ABTB2: variants seen among roughly 807,000 people sequenced by gnomAD.
The protein encoded by ABTB2 is ankyrin repeat and BTB/POZ domain-containing protein 2.
In ABTB2, 56 loss-of-function variants were observed where a neutral mutation model predicts 104.1. The ratio of observed to expected loss-of-function variants is 0.54; its 90% confidence interval spans 0.43 to 0.67. The LOEUF (loss-of-function observed/expected upper bound fraction) is 0.67, where lower values mean the gene tolerates loss of function less well. ABTB2 is among the 30% of genes least tolerant of loss of function. The pLI is 0.00. For synonymous variants in ABTB2, 606 were observed against 608.2 expected (o/e 1.00, Z 0.05); for missense variants, 1,279 against 1,407.7 (o/e 0.91, Z 1.46).
At chr11:34,285,140 C>T (rs532108960) in intron 1 of ABTB2, among the ~76,000 whole-genome samples, 10 of 152,146 alleles carry the variant, frequency 6.6e-5, no homozygotes, top group South Asian at 2.1e-4. Context: ...GCAATCCAGG[C>T]GGAAATCACA....
At chr11:34,325,525 C>T (rs554034031) in intron 1 of ABTB2, among the ~76,000 whole-genome samples, 2 of 152,292 alleles carry the variant, frequency 1.3e-5, no homozygotes, top group Admixed American at 1.3e-4. Context: ...CAATATACTA[C>T]CTGTAAGAAC....
At chr11:34,294,752 A>G (rs894557273) in intron 1 of ABTB2, among the ~76,000 whole-genome samples, 2 of 146,884 alleles carry the variant, frequency 1.4e-5, no homozygotes, top group East Asian at 2.0e-4. Context: ...GTCTCATTCT[A>G]TCACCCAGGC....
chr11:34,280,557 A>G (rs1590239977), intron 1 of ABTB2, among the ~76,000 whole-genome samples: 1 of 152,044 alleles, frequency 6.6e-6, no homozygotes, highest in East Asian at 1.9e-4. Flanking sequence ...CAGGGCCCCT[A>G]CTGCTAACAT....
At chr11:34,236,369 C>A (rs10836163) in intron 1 of ABTB2, among the ~76,000 whole-genome samples, 43,604 of 151,988 alleles carry the variant, frequency 0.29, 6,812 homozygotes, top group Admixed American at 0.39. Flanking sequence ...CCAGAAGGCA[C>A]AGGGCAGAAA....
At chr11:34,315,782 GCCACCCC>G (rs1239471789) in intron 1 of ABTB2, among the ~76,000 whole-genome samples, 1 of 152,136 alleles carries the variant, frequency 6.6e-6, no homozygotes, top group Non-Finnish European at 1.5e-5. Flanking sequence ...GACACGAGCA[GCCACCCC>G]CCAGGTTTCC....
rs755443617 is a variant in ABTB2, at chr11:34,356,422, A to G, written c.883+279T>C. On this transcript the variant is annotated intron_variant, in intron 1 of 16. Transcript: ENST00000435224. The surrounding 1 kb of genome is among the most constrained non-coding windows in gnomAD (Gnocchi z 4.6). ...GAGAGGTTCAGGAATGGCTTGGTCA[A>G]GAGATTCAATCTCACCCAATCAATG... is the stretch of plus-strand genomic sequence containing the variant. Among the ~76,000 whole-genome samples, 1 of 152,220 alleles carries G rather than the reference A, an allele frequency of 6.6e-6. No homozygotes were observed. The highest frequency in any genetic ancestry group is 1.5e-5 in the Non-Finnish European group (1 of 68,034).
chr11:34,270,011 T>G (rs1448184187), intron 1 of ABTB2, among the ~76,000 whole-genome samples: 2 of 152,212 alleles, frequency 1.3e-5, no homozygotes, highest in African/African-American at 2.4e-5. Context: ...AGACTGAAAC[T>G]TACGTCTTCT....
chr11:34,167,919 G>T lies in ABTB2; in HGVS notation c.1637C>A (p.Ala546Glu). The T allele has an allele frequency of 6.2e-7, 1 of 1,614,236 alleles. No individual in the cohort carries two copies. Among genetic ancestry groups the T allele is most frequent in the East Asian group, 2.2e-5 (1 of 44,890 alleles). Residue 546 changes from alanine (A) to glutamate (E), a missense_variant, in exon 6 of 17, where the codon GCA becomes GAA. Coordinates refer to ENST00000435224, the MANE Select transcript of ABTB2 (RefSeq NM_145804.3). The stretch of plus-strand genomic sequence containing the variant: ...CTTCCTCACCTGGATGTCCAAGTTT[G>T]CCCCAGCATCAATCAACATCTGGAC... ...AMVQMLIDAG[A>E]NLDIQVPSNS...
chr11:34,339,173 A>G (rs1405789894), intron 1 of ABTB2, among the ~76,000 whole-genome samples: 3 of 152,158 alleles, frequency 2.0e-5, no homozygotes, highest in Admixed American at 2.0e-4. Flanking sequence ...CCTGGCCACA[A>G]GTGATCCTCC....
intron 1 of ABTB2, among the ~76,000 whole-genome samples, chr11:34,350,626 G>A (rs1238671998): frequency 6.6e-6 from 1 of 152,206 alleles, no homozygotes; most frequent in Non-Finnish European, 1.5e-5. Flanking sequence ...ACCCCTGGGT[G>A]TCAGTGCCTG....
At chr11:34,266,542 G>T (rs538284051) in intron 1 of ABTB2, among the ~76,000 whole-genome samples, 19 of 152,248 alleles carry the variant, frequency 1.2e-4, no homozygotes, top group Non-Finnish European at 8.8e-5. Context: ...TTATTTCTGA[G>T]CAAAGGCCTT....
chr11:34,225,648 G>A lies in ABTB2; in HGVS notation c.884-20958C>T, dbSNP rs144472686. ...CACATGCCTGTGATTCCAGCTACTCGGGAGGCTGAGGCAGGAGAATTGCTT... is the reference window on the plus strand; with the variant it reads ...CACATGCCTGTGATTCCAGCTACTCAGGAGGCTGAGGCAGGAGAATTGCTT... On this transcript the variant is annotated intron_variant, in intron 1 of 16. Coordinates refer to ENST00000435224, the MANE Select transcript of ABTB2 (RefSeq NM_145804.3). Among the ~76,000 whole-genome samples the A allele has an allele frequency of 9.3e-3, 1,420 of 152,086 alleles. 15 individuals are homozygous for A. The highest frequency in any genetic ancestry group is 0.032 in the African/African-American group (1,338 of 41,476).
At chr11:34,274,678 T>C (rs575662895) in intron 1 of ABTB2, among the ~76,000 whole-genome samples, 18 of 152,172 alleles carry the variant, frequency 1.2e-4, no homozygotes, top group African/African-American at 4.1e-4. Context: ...TCATTTTTTC[T>C]TGGCCAAGAA....
chr11:34,276,500 A>T (rs1465735168), intron 1 of ABTB2, among the ~76,000 whole-genome samples: 1 of 152,134 alleles, frequency 6.6e-6, no homozygotes, highest in African/African-American at 2.4e-5. Flanking sequence ...GGGCCACAGA[A>T]TTCTTCCCCA....
chr11:34,326,380 TG>T (rs1410950055), intron 1 of ABTB2, among the ~76,000 whole-genome samples: 1 of 152,176 alleles, frequency 6.6e-6, no homozygotes, highest in South Asian at 2.1e-4. Flanking sequence ...CCCAACACTT[TG>T]GGGGGCCAAG....
chr11:34,344,845 G>A (rs559897203), intron 1 of ABTB2, among the ~76,000 whole-genome samples: 7 of 152,220 alleles, frequency 4.6e-5, no homozygotes, highest in African/African-American at 7.2e-5. Context: ...AACTAAAACC[G>A]CACTAGGATC....
intron 1 of ABTB2, among the ~76,000 whole-genome samples, chr11:34,345,713 C>A (rs1254812524): frequency 6.6e-6 from 1 of 152,198 alleles, no homozygotes; most frequent in Admixed American, 6.5e-5. Context: ...TCCTGGCCTG[C>A]CCAGCTGGTA....
chr11:34,332,546 G>C (rs1322944674), intron 1 of ABTB2, among the ~76,000 whole-genome samples: 1 of 152,202 alleles, frequency 6.6e-6, no homozygotes, highest in African/African-American at 2.4e-5. Flanking sequence ...TTTTGGTTGG[G>C]TTTTTTGAGG....
At chr11:34,315,483 G>A (rs1854915321) in intron 1 of ABTB2, among the ~76,000 whole-genome samples, 1 of 152,150 alleles carries the variant, frequency 6.6e-6, no homozygotes, top group African/African-American at 2.4e-5. Context: ...CAGCTAAAAA[G>A]CTCTGGGGAA....
Sources: allele counts gnomAD v4.1 joint callset (sites outside exome capture counted in the v4.1 genomes callset), GRCh38; gene constraint gnomAD v4.1.1; non-coding constraint Gnocchi (gnomAD v3.1); transcripts MANE v1.5; gene names NCBI Gene and HGNC (gene_info 2026-07-23, HGNC 2026-07-21).